Variants in BFAR observed in about 807,000 individuals in gnomAD.
BFAR encodes the protein RING finger protein 47.
In BFAR, 52 loss-of-function variants were observed where a neutral mutation model predicts 54.4. The observed-to-expected ratio is 0.96, with a 90% confidence interval of 0.77 to 1.21. The LOEUF (loss-of-function observed/expected upper bound fraction) is 1.21. Ranked by LOEUF, BFAR falls within the 50% of genes most tolerant of loss-of-function variation. BFAR has a pLI of 0.00. For missense variants in BFAR, 571 were observed against 534.0 expected (o/e 1.07, Z -0.68); for synonymous variants, 215 against 204.3 (o/e 1.05, Z -0.45).
intron 2 of BFAR, 126 bp downstream of exon 2, chr16:14,644,735 G>C (rs2151837339): frequency 1.7e-6 from 2 of 1,172,474 alleles, no homozygotes; most frequent in East Asian, 2.4e-5. Context: ...TCAAACTCCT[G>C]ACCTCAAGTG....
At position 14,644,262 on chromosome 16, in the gene BFAR, T is replaced by A. The variant is rs1959716783; in HGVS notation, c.-73-12T>A. ...TATTTGCCTTATTTTTGTCTCTGTTTTTTTTTTCTAGATTAATGATGTTTT... is the reference window on the plus strand; with the variant it reads ...TATTTGCCTTATTTTTGTCTCTGTTATTTTTTTCTAGATTAATGATGTTTT... On this transcript the variant is annotated splice_polypyrimidine_tract_variant and intron_variant, in intron 1 of 7. Coordinates refer to ENST00000261658, the MANE Select transcript of BFAR (RefSeq NM_016561.3). 2.2e-6 allele frequency: 3 copies of A among 1,385,598 alleles called. No homozygotes were observed. The allele number at this position is 1,385,598 out of a possible 1,614,324, so 85.8% of individuals were successfully genotyped here.
chr16:14,649,569 GC>G (rs1363406817), intron 3 of BFAR, among the ~76,000 whole-genome samples: 2 of 152,082 alleles, frequency 1.3e-5, no homozygotes, highest in Non-Finnish European at 2.9e-5. Context: ...TCCTTTTCTC[GC>G]CTCTGTGCCC....
intron 6 of BFAR, among the ~76,000 whole-genome samples, chr16:14,663,090 C>T (rs1426726528): frequency 2.0e-5 from 3 of 152,218 alleles, no homozygotes; most frequent in Non-Finnish European, 4.4e-5. Context: ...AGGGGTCGAT[C>T]TTTAACTACC....
At chr16:14,637,962 G>A (rs959525937) in intron 1 of BFAR, among the ~76,000 whole-genome samples, 2 of 151,406 alleles carry the variant, frequency 1.3e-5, no homozygotes, top group African/African-American at 4.9e-5. Context: ...AAAATAAGGT[G>A]ATAAATACAG....
intron 7 of BFAR, 46 bp from the exon 8 acceptor site, chr16:14,667,589 G>C (rs747642269): frequency 6.4e-7 from 1 of 1,562,892 alleles, no homozygotes; most frequent in Non-Finnish European, 8.7e-7. Flanking sequence ...CCTGGGTGTG[G>C]TCATGAGAAG....
At chr16:14,666,079 A>C (rs1447491599) in intron 7 of BFAR, among the ~76,000 whole-genome samples, 1 of 152,046 alleles carries the variant, frequency 6.6e-6, no homozygotes, top group Non-Finnish European at 1.5e-5. Flanking sequence ...TCCACTCCAG[A>C]CTTTGATCTG....
In BFAR at chr16:14,668,979, G is replaced by A. The variant is rs569339873; in HGVS notation, c.*1152G>A. 2.0e-4 allele frequency: 88 copies of A among 438,502 alleles called. No individual in the cohort carries two copies. The highest frequency in any genetic ancestry group is 1.6e-3 in the African/African-American group (77 of 49,584). 27.2% of individuals were successfully genotyped at this position (438,502 alleles called of 1,614,324 possible). A position where few individuals can be genotyped will look rare whatever the true frequency, so the allele number is the denominator to read the frequency against. ...TACAGCAGGTATAATTACACCAAGCGCTATAGTTATAAATATGGCATGAAG... is the reference window on the plus strand; with the variant it reads ...TACAGCAGGTATAATTACACCAAGCACTATAGTTATAAATATGGCATGAAG... On this transcript the variant is annotated 3_prime_UTR_variant, in exon 8 of 8. Coordinates refer to ENST00000261658, the MANE Select transcript of BFAR (RefSeq NM_016561.3).
rs574985188 is a variant in BFAR, at chr16:14,667,639, G to A, written c.1165G>A (p.Val389Met). 22 of 1,613,540 alleles carry A rather than the reference G, an allele frequency of 1.4e-5. No individual in the cohort carries two copies. The highest frequency in any genetic ancestry group is 5.0e-5 in the Admixed American group (3 of 59,908). The change falls in exon 8 of 8, where the codon GTG becomes ATG. Residue 389 changes from valine (V) to methionine (M), a missense_variant. By Grantham distance (21) the Val-to-Met change is conservative. Coordinates refer to ENST00000261658, the MANE Select transcript of BFAR (RefSeq NM_016561.3). ...CCTCTTCTCTTCTTGTTTCAGGACC[G>A]TGCCTCAGAGGATGTGGAGCCATTT... ...RIWSRSELKT[V>M]PQRMWSHFWK...
chr16:14,661,358 C>T (rs1044270486), intron 5 of BFAR, among the ~76,000 whole-genome samples: 8 of 148,852 alleles, frequency 5.4e-5, no homozygotes, highest in Admixed American at 5.3e-4. Flanking sequence ...GTATGCTTTT[C>T]ACCCCTCCCC....
intron 5 of BFAR, among the ~76,000 whole-genome samples, chr16:14,657,130 C>A (rs1210992528): frequency 6.6e-6 from 1 of 152,018 alleles, no homozygotes; most frequent in Non-Finnish European, 1.5e-5. Flanking sequence ...AAAAATGCTT[C>A]TGTAATATGT....
intron 5 of BFAR, among the ~76,000 whole-genome samples, chr16:14,657,788 C>T (rs898406247): frequency 2.0e-5 from 3 of 152,028 alleles, no homozygotes; most frequent in South Asian, 2.1e-4. Flanking sequence ...GTGATCTGCC[C>T]GCCTCAGCCT....
chr16:14,636,771 AC>A (rs1040315488), intron 1 of BFAR, among the ~76,000 whole-genome samples: 2 of 152,218 alleles, frequency 1.3e-5, no homozygotes, highest in Non-Finnish European at 2.9e-5. Context: ...GAAACCTTAG[AC>A]AATACCTGGC....
intron 6 of BFAR, among the ~76,000 whole-genome samples, chr16:14,663,011 C>A (rs979190417): frequency 1.3e-5 from 2 of 152,118 alleles, no homozygotes; most frequent in African/African-American, 4.8e-5. Flanking sequence ...GAAGAGAATA[C>A]GACAGGGATT....
In BFAR at chr16:14,648,496, T is replaced by A. The variant is rs1292494984; in HGVS notation, c.372T>A (p.Asn124Lys). 13 of 1,613,792 alleles carry A rather than the reference T, an allele frequency of 8.1e-6. No homozygotes were observed. In the Admixed American group the frequency reaches 2.2e-4, roughly 27 times the overall value. ...TTGCAGCCTTTCAGAAATATGGGAA[T>A]GATCAGATTCCTTTAGCTCCTAACA... is the stretch of plus-strand genomic sequence containing the variant. Reference protein sequence around the residue: ...QSLAAFQKYGNDQIPLAPNTG... With the variant: ...QSLAAFQKYGKDQIPLAPNTG... The change falls in exon 3 of 8, where the codon AAT (asparagine) becomes AAA (lysine). Residue 124 changes from asparagine to lysine, a missense_variant. Physicochemically the swap from Asn to Lys is moderately conservative, Grantham distance 94 (BLOSUM62 0). Transcript: ENST00000261658.
At chr16:14,641,078 A>G (rs952781270) in intron 1 of BFAR, among the ~76,000 whole-genome samples, 2 of 152,238 alleles carry the variant, frequency 1.3e-5, no homozygotes, top group African/African-American at 4.8e-5. Context: ...TTCCAAACCC[A>G]GTCATTCTTC....
At chr16:14,654,493 CTTTTTT>C (rs55673619) in intron 4 of BFAR, among the ~76,000 whole-genome samples, 19,983 of 89,034 alleles carry the variant, frequency 0.22, 1,291 homozygotes, top group Middle Eastern at 0.32. Flanking sequence ...GTGAGTTTTC[CTTTTTT>C]TTTTTTTTTT....
chr16:14,667,412 C>A (rs1192078940), intron 7 of BFAR: 6 of 501,628 alleles, frequency 1.2e-5, no homozygotes. Context: ...CACAGGGAGG[C>A]CTTGCCCAGT....
chr16:14,643,420 GTCTA>G (rs1959686895), intron 1 of BFAR, among the ~76,000 whole-genome samples: 2 of 152,200 alleles, frequency 1.3e-5, no homozygotes, highest in Non-Finnish European at 2.9e-5. Flanking sequence ...CATCCTTCGA[GTCTA>G]TGGAACCTTC....
intron 3 of BFAR, among the ~76,000 whole-genome samples, chr16:14,649,168 C>T (rs1050304048): frequency 2.0e-5 from 3 of 151,234 alleles, no homozygotes; most frequent in Admixed American, 6.6e-5. Context: ...CTCCACCTCC[C>T]GAGTTCAAGT....
Sources: allele counts gnomAD v4.1 joint callset (sites outside exome capture counted in the v4.1 genomes callset), GRCh38; gene constraint gnomAD v4.1.1; transcripts MANE v1.5; gene names NCBI Gene and HGNC (gene_info 2026-07-23, HGNC 2026-07-21).